Variants in ADGRA3 observed in about 807,000 individuals in gnomAD.
The protein encoded by ADGRA3 is G-protein coupled receptor 125.
A neutral mutation model predicts 119.8 loss-of-function variants in ADGRA3; 56 were observed. The ratio of observed to expected loss-of-function variants is 0.47; its 90% confidence interval spans 0.38 to 0.58. The LOEUF is 0.58. Ranked by LOEUF, ADGRA3 falls within the 20% of genes least tolerant of loss-of-function variation. The pLI is 0.00. For missense variants in ADGRA3, 1,516 were observed against 1,649.0 expected, an observed-to-expected ratio of 0.92 and a Z score of 1.40; for synonymous variants, 607 against 623.8, an observed-to-expected ratio of 0.97 and a Z score of 0.40.
intron 1 of ADGRA3, among the ~76,000 whole-genome samples, chr4:22,498,659 T>C (rs184223822): frequency 3.3e-5 from 5 of 151,946 alleles, no homozygotes; most frequent in Non-Finnish European, 7.4e-5. Context: ...CTCACGCCTG[T>C]AATCCCAGCA....
At chr4:22,486,167 T>C (rs190941335) in intron 1 of ADGRA3, among the ~76,000 whole-genome samples, 49 of 152,340 alleles carry the variant, frequency 3.2e-4, no homozygotes, top group African/African-American at 1.1e-3. Flanking sequence ...CTTTCTCATT[T>C]TGCAGCCCTG....
Position 22,461,810 on chromosome 4 carries a change from T to C in ADGRA3, c.330-2A>G. ...CTAATAAGATTGTTTCGGAGGTCCC[T>C]GTTAAAAATAAAATAAAAGTTATTC... On this transcript the variant is annotated splice_acceptor_variant, in intron 2 of 18. Transcript: ENST00000334304. LOFTEE classifies it high-confidence loss of function. The C allele has an allele frequency of 1.3e-6, 2 of 1,594,882 alleles. No homozygotes were observed. Among genetic ancestry groups the C allele is most frequent in the Non-Finnish European group, 1.7e-6 (2 of 1,164,884 alleles).
At chr4:22,442,586 C>T in intron 7 of ADGRA3, 64 bp downstream of exon 7, 1 of 1,162,208 alleles carries the variant, frequency 8.6e-7, no homozygotes, top group East Asian at 2.4e-5. Context: ...AACATTACAC[C>T]TCCAAAAGGA....
At chr4:22,415,705 A>G (rs1715398545) in intron 12 of ADGRA3, among the ~76,000 whole-genome samples, 2 of 152,224 alleles carry the variant, frequency 1.3e-5, no homozygotes, top group African/African-American at 2.4e-5. Context: ...AAGTATTAGT[A>G]ACGATAAATC....
rs1295883701 is a variant in ADGRA3 at position 22,388,065 on chromosome 4, C to T, written c.3606G>A (p.Val1202=). 6.2e-7 allele frequency: 1 copy of T among 1,614,180 alleles called. No homozygotes were observed. Among genetic ancestry groups the T allele is most frequent in the Non-Finnish European group, 8.5e-7 (1 of 1,180,036 alleles). The change falls in exon 19 of 19, where the codon GTG becomes GTA. Residue 1202 remains valine, a synonymous_variant. Transcript: ENST00000334304. ...YDVPTSVEGS[V]QNGLPKSRLG... is the part of the protein sequence containing the mutation. ...GCCGGCTTTTAGGTAAGCCGTTCTG[C>T]ACGCTTCCTTCCACGCTCGTTGGGA...
chr4:22,414,483 T>A, intron 12 of ADGRA3: 1 of 535,340 alleles, frequency 1.9e-6, no homozygotes, highest in East Asian at 3.0e-5. Context: ...AAAAAATATA[T>A]ATATACCAAA....
chr4:22,493,996 G>A (rs1718721169), intron 1 of ADGRA3, among the ~76,000 whole-genome samples: 1 of 151,776 alleles, frequency 6.6e-6, no homozygotes, highest in Admixed American at 6.6e-5. Flanking sequence ...CAAGGTCAGG[G>A]GTTCGAGACC....
chr4:22,499,073 C>A (rs1160706002), intron 1 of ADGRA3, among the ~76,000 whole-genome samples: 2 of 152,170 alleles, frequency 1.3e-5, no homozygotes, highest in Non-Finnish European at 2.9e-5. Flanking sequence ...GATCATGAAG[C>A]AGGCAGGCCT....
rs8948 is a variant in ADGRA3, at chr4:22,387,688, T to C, written c.*17A>G. On this transcript the variant is annotated 3_prime_UTR_variant, in exon 19 of 19. Coordinates refer to ENST00000334304, the MANE Select transcript of ADGRA3 (RefSeq NM_145290.4). Reference sequence around the variant, plus strand: ...ATCACAGTTTATATGAATTTCTGCCTAGGAAGCCCAGCAATGTTACACAGT... The same window carrying C: ...ATCACAGTTTATATGAATTTCTGCCCAGGAAGCCCAGCAATGTTACACAGT... 1,974 of 1,576,238 alleles carry C rather than the reference T, an allele frequency of 1.3e-3. 23 individuals carry two copies. In the African/African-American group the frequency reaches 0.023, roughly 19 times the overall value.
chr4:22,409,805 A>G, intron 14 of ADGRA3, among the ~76,000 whole-genome samples: 1 of 152,194 alleles, frequency 6.6e-6, no homozygotes, highest in East Asian at 1.9e-4. Context: ...AAATAGGAAC[A>G]TATACTCATT....
At position 22,424,150 on chromosome 4, in the gene ADGRA3, G is replaced by A. The variant is rs772432109; in HGVS notation, c.1605+41C>T. 1.7e-5 allele frequency: 26 copies of A among 1,555,738 alleles called. 1 individual carries two copies. The highest frequency in any genetic ancestry group is 8.5e-5 in the South Asian group (7 of 82,838). ...CTTTCGGGTGAGAGCTGTGTGAAATGCACTTTTTTTCTCAGGAGTCTATGA... is the reference window on the plus strand; with the variant it reads ...CTTTCGGGTGAGAGCTGTGTGAAATACACTTTTTTTCTCAGGAGTCTATGA... On this transcript the variant is annotated intron_variant, in intron 11 of 18. Coordinates refer to ENST00000334304, the MANE Select transcript of ADGRA3 (RefSeq NM_145290.4).
Position 22,418,593 on chromosome 4 carries a change from G to A in ADGRA3, c.1809+2293C>T, listed in dbSNP as rs116039787. Among the ~76,000 whole-genome samples, 808 of 152,250 alleles carry A rather than the reference G, an allele frequency of 5.3e-3. 5 individuals are homozygous for A. The highest frequency in any genetic ancestry group is 0.018 in the African/African-American group (747 of 41,546). On this transcript the variant is annotated intron_variant, in intron 12 of 18. Transcript: ENST00000334304. ...ATAAAAGGGAGAGGTGGGAAGTACT[G>A]TGGAGAGAGAGGGAAGACGTCAAAT... is the stretch of plus-strand genomic sequence containing the variant.
chr4:22,504,503 A>G lies in ADGRA3; in HGVS notation c.257+11025T>C, dbSNP rs1464128638. Among the ~76,000 whole-genome samples the G allele has an allele frequency of 1.8e-4, 27 of 151,658 alleles. 1 individual carries two copies. Among genetic ancestry groups the G allele is most frequent in the Admixed American group, 1.8e-3 (27 of 15,232 alleles). On this transcript the variant is annotated intron_variant, in intron 1 of 18. Transcript: ENST00000334304. The stretch of plus-strand genomic sequence containing the variant: ...TTAGCCCTCTCATTTTATTCATTCA[A>G]CTCCACAGTACATCTCTAAAACCTT...
chr4:22,458,721 C>T (rs1202832863), intron 3 of ADGRA3, among the ~76,000 whole-genome samples: 1 of 152,140 alleles, frequency 6.6e-6, no homozygotes, highest in Non-Finnish European at 1.5e-5. Flanking sequence ...CTAATGTCTA[C>T]CCTCCTATAA....
chr4:22,492,975 T>C (rs774869943), intron 1 of ADGRA3, among the ~76,000 whole-genome samples: 3 of 139,316 alleles, frequency 2.2e-5, no homozygotes, highest in Non-Finnish European at 4.6e-5. Flanking sequence ...TCCACCTTTC[T>C]TTTTTTAAGA....
At chr4:22,413,144 A>G (rs1331580328) in intron 14 of ADGRA3, 38 bp downstream of exon 14, 1 of 1,442,724 alleles carries the variant, frequency 6.9e-7, no homozygotes, top group Non-Finnish European at 9.8e-7. Context: ...GCAAAAATGT[A>G]GAATAGTGTT....
At chr4:22,425,405 A>C (rs1285524200) in intron 10 of ADGRA3, among the ~76,000 whole-genome samples, 1 of 152,200 alleles carries the variant, frequency 6.6e-6, no homozygotes, top group Admixed American at 6.5e-5. Context: ...GCCACTGAAA[A>C]GTCAACCAAC....
intron 4 of ADGRA3, among the ~76,000 whole-genome samples, chr4:22,452,190 T>C (rs1717068620): frequency 6.6e-6 from 1 of 152,176 alleles, no homozygotes; most frequent in African/African-American, 2.4e-5. Flanking sequence ...CTGCTATATA[T>C]GCCACAGACT....
intron 2 of ADGRA3, among the ~76,000 whole-genome samples, chr4:22,468,625 T>C (rs928052659): frequency 6.6e-6 from 1 of 151,792 alleles, no homozygotes; most frequent in African/African-American, 2.4e-5. Flanking sequence ...AAAAATTAGC[T>C]GGGTGTGGTG....
Sources: gnomAD v4.1 joint callset for allele counts (sites outside exome capture counted in the v4.1 genomes callset) on GRCh38, gnomAD v4.1.1 for gene constraint, MANE v1.5 for transcripts, NCBI Gene and HGNC (gene_info 2026-07-23, HGNC 2026-07-21) for gene names.